Variants in KCNIP4 observed in about 807,000 individuals in gnomAD.
The protein encoded by KCNIP4 is potassium voltage-gated channel interacting protein 4, also known as Kv channel-interacting protein 4.
Under a neutral mutation model 34.0 loss-of-function variants are expected in KCNIP4, and 12 were observed. The ratio of observed to expected loss-of-function variants is 0.35; its 90% confidence interval spans 0.23 to 0.57. The LOEUF is 0.57. Ranked by LOEUF, KCNIP4 falls within the 20% of genes least tolerant of loss-of-function variation. The probability of loss-of-function intolerance (pLI) is 0.83; values close to 1 mark genes in which losing one functional copy is unlikely to be tolerated. For missense variants in KCNIP4, 238 were observed against 311.7 expected (o/e 0.76, Z 1.78); for synonymous variants, 124 against 102.2 (o/e 1.21, Z -1.29).
chr4:21,021,627 A>G (rs1216549348), intron 1 of KCNIP4, among the ~76,000 whole-genome samples: 1 of 152,096 alleles, frequency 6.6e-6, no homozygotes, highest in Non-Finnish European at 1.5e-5. Flanking sequence ...ATTAGCCTAG[A>G]CCTATACATG....
chr4:21,086,301 C>T (rs932963601), intron 1 of KCNIP4, among the ~76,000 whole-genome samples: 3 of 152,134 alleles, frequency 2.0e-5, no homozygotes, highest in African/African-American at 7.2e-5. Flanking sequence ...ACTCTAGTTC[C>T]ACTTCCTGTC....
chr4:21,840,097 CG>C (rs1170192552), intron 1 of KCNIP4, among the ~76,000 whole-genome samples: 1 of 151,710 alleles, frequency 6.6e-6, no homozygotes, highest in African/African-American at 2.4e-5. Context: ...TACAAAGCAC[CG>C]CGGAGGTAAG....
At chr4:21,216,847 C>A (rs1313831010) in intron 1 of KCNIP4, among the ~76,000 whole-genome samples, 2 of 152,126 alleles carry the variant, frequency 1.3e-5, no homozygotes, top group Admixed American at 6.6e-5. Flanking sequence ...AAGAAGGCTT[C>A]ATGCAAGAAA....
chr4:21,880,280 T>A (rs1327436681), intron 1 of KCNIP4, among the ~76,000 whole-genome samples: 1 of 152,200 alleles, frequency 6.6e-6, no homozygotes, highest in Non-Finnish European at 1.5e-5. Context: ...TGTTTATAAA[T>A]CTTTGTAAGA....
chr4:21,451,251 A>G (rs1197530076), intron 1 of KCNIP4, among the ~76,000 whole-genome samples: 1 of 152,086 alleles, frequency 6.6e-6, no homozygotes, highest in Non-Finnish European at 1.5e-5. Flanking sequence ...CCCATCTGGC[A>G]TTTTGTGGCT....
intron 1 of KCNIP4, among the ~76,000 whole-genome samples, chr4:21,047,664 TATTTG>T (rs1454178730): frequency 1.3e-5 from 2 of 152,230 alleles, no homozygotes; most frequent in African/African-American, 4.8e-5. Context: ...ATTGCTGGCC[TATTTG>T]ATTTTAGTCT....
chr4:20,962,062 T>C (rs180876387), intron 1 of KCNIP4, among the ~76,000 whole-genome samples: 6 of 152,320 alleles, frequency 3.9e-5, no homozygotes, highest in Admixed American at 1.3e-4. Flanking sequence ...GGAATGACTT[T>C]TCTGATGGGT....
chr4:21,509,533 T>C (rs979395677), intron 1 of KCNIP4, among the ~76,000 whole-genome samples: 3 of 152,164 alleles, frequency 2.0e-5, no homozygotes, highest in African/African-American at 4.8e-5. Context: ...ATATGTGTTA[T>C]TGCATTTAAT....
At chr4:21,635,926 T>C (rs1199829197) in intron 1 of KCNIP4, among the ~76,000 whole-genome samples, 1 of 151,852 alleles carries the variant, frequency 6.6e-6, no homozygotes, top group Non-Finnish European at 1.5e-5. Flanking sequence ...TAAGAAAATG[T>C]GGCACACATA....
intron 1 of KCNIP4, among the ~76,000 whole-genome samples, chr4:21,905,410 CTAT>C (rs1238298796): frequency 1.3e-5 from 2 of 151,716 alleles, no homozygotes; most frequent in Non-Finnish European, 2.9e-5. Context: ...TTTTTTTATT[CTAT>C]TATTATTATA....
At chr4:21,898,646 A>T (rs964382619) in intron 1 of KCNIP4, among the ~76,000 whole-genome samples, 5 of 152,216 alleles carry the variant, frequency 3.3e-5, no homozygotes, top group African/African-American at 1.2e-4. Flanking sequence ...ATACCCAGGC[A>T]GTACTTGCTG....
At chr4:20,858,433 C>T (rs974867548) in intron 2 of KCNIP4, among the ~76,000 whole-genome samples, 1 of 152,032 alleles carries the variant, frequency 6.6e-6, no homozygotes, top group Non-Finnish European at 1.5e-5. Context: ...AATATATCTA[C>T]CTATATTCAA....
At chr4:21,239,917 A>G (rs1389540898) in intron 1 of KCNIP4, among the ~76,000 whole-genome samples, 1 of 152,142 alleles carries the variant, frequency 6.6e-6, no homozygotes, top group African/African-American at 2.4e-5. Context: ...ATAAAGACAC[A>G]TGCACATGTA....
intron 1 of KCNIP4, among the ~76,000 whole-genome samples, chr4:21,038,939 C>T (rs1382791130): frequency 6.6e-6 from 1 of 151,954 alleles, no homozygotes; most frequent in Admixed American, 6.5e-5. Context: ...AAAAAAGCAT[C>T]CTGTGAAGGC....
chr4:21,717,403 T>C (rs746136214), intron 1 of KCNIP4, among the ~76,000 whole-genome samples: 26 of 152,158 alleles, frequency 1.7e-4, no homozygotes, highest in Non-Finnish European at 3.1e-4. Context: ...ATATTAACTA[T>C]ATAACTCCCT....
At chr4:21,032,903 G>A (rs575290687) in intron 1 of KCNIP4, among the ~76,000 whole-genome samples, 6 of 152,182 alleles carry the variant, frequency 3.9e-5, no homozygotes, top group African/African-American at 1.4e-4. Context: ...ACTCTGCAGA[G>A]ACTCACCTCC....
rs377613298 is a variant in KCNIP4 at position 21,439,317 on chromosome 4, TGTATATCC to T, written c.61+509246_61+509253del. 4.4e-3 allele frequency among the ~76,000 whole-genome samples: 666 copies of T among 152,308 alleles called. 6 individuals are homozygous for T. Among genetic ancestry groups the T allele is most frequent in the African/African-American group, 0.015 (632 of 41,558 alleles). ...GAATATCGCCATTAAATATTTTTCCTGTATATCCGCATTAGTAAACGCCCTCCCAACTT... is the reference window on the plus strand; with the variant it reads ...GAATATCGCCATTAAATATTTTTCCTGCATTAGTAAACGCCCTCCCAACTT... On this transcript the variant is annotated intron_variant, in intron 1 of 8. Coordinates refer to ENST00000382152, the MANE Select transcript of KCNIP4 (RefSeq NM_025221.6).
intron 1 of KCNIP4, among the ~76,000 whole-genome samples, chr4:21,181,513 C>CATG (rs1754842632): frequency 6.6e-6 from 1 of 151,632 alleles, no homozygotes. Context: ...TACGTTCATG[C>CATG]ATCCATCCAT....
intron 3 of KCNIP4, among the ~76,000 whole-genome samples, chr4:20,763,258 T>C (rs1472615278): frequency 6.6e-6 from 1 of 152,176 alleles, no homozygotes; most frequent in Non-Finnish European, 1.5e-5. Flanking sequence ...GATTTTACAG[T>C]ATTTTGCTTT....
Sources: allele counts gnomAD v4.1 joint callset (sites outside exome capture counted in the v4.1 genomes callset), GRCh38; gene constraint gnomAD v4.1.1; transcripts MANE v1.5; gene names NCBI Gene and HGNC (gene_info 2026-07-23, HGNC 2026-07-21).